The following PRDM16 variants were observed in gnomAD, a reference collection of about 807,000 sequenced individuals.
The protein encoded by PRDM16 is PR/SET domain 16, also known as histone-lysine N-methyltransferase PRDM16.
PRDM16 carries 23 observed loss-of-function variants against 110.6 expected under a neutral mutation model. The ratio of observed to expected loss-of-function variants is 0.21; its 90% CI spans 0.15 to 0.29. PRDM16 has a LOEUF of 0.29. Ranked by LOEUF, PRDM16 falls within the 10% of genes least tolerant of loss-of-function variation. The probability of loss-of-function intolerance (pLI) is 1.00; values close to 1 mark genes in which losing one functional copy is unlikely to be tolerated. For missense variants in PRDM16, 1,615 were observed against 1,794.3 expected, an observed-to-expected ratio of 0.90 and a Z score of 1.81; for synonymous variants, 799 against 781.8, an observed-to-expected ratio of 1.02 and a Z score of -0.37.
intron 5 of PRDM16, among the ~76,000 whole-genome samples, chr1:3,397,249 G>A (rs374869301): frequency 6.6e-6 from 1 of 152,246 alleles, no homozygotes; most frequent in Non-Finnish European, 1.5e-5. Context: ...GAGTCGCCCC[G>A]CTCTTCCAGA....
At chr1:3,348,289 C>T (rs1451123307) in intron 3 of PRDM16, among the ~76,000 whole-genome samples, 1 of 152,220 alleles carries the variant, frequency 6.6e-6, no homozygotes, top group Non-Finnish European at 1.5e-5. Context: ...GCCCTCAGTG[C>T]CCACAAAGGC....
intron 5 of PRDM16, 79 bp from the exon 6 acceptor site, chr1:3,402,712 G>T: frequency 7.7e-7 from 1 of 1,302,290 alleles, no homozygotes. Flanking sequence ...TGGTGAGGGG[G>T]CCAGGTCTCC....
rs1640938492 is a variant in PRDM16, at chr1:3,290,081, A to G, written c.438+45944A>G. ...GCTTTAAAAGTGTGCTCGTGAGCGCAGGGTGTTTTTCCTGAATGAAAACTC... is the reference window on the plus strand; with the variant it reads ...GCTTTAAAAGTGTGCTCGTGAGCGCGGGGTGTTTTTCCTGAATGAAAACTC... On this transcript the variant is annotated intron_variant, in intron 3 of 16. Coordinates refer to ENST00000270722, the MANE Select transcript of PRDM16 (RefSeq NM_022114.4). The surrounding 1 kb of genome is among the most constrained non-coding windows in gnomAD (Gnocchi z 4.8). Among the ~76,000 whole-genome samples, 1 of 152,338 alleles carries G rather than the reference A, an allele frequency of 6.6e-6. No homozygotes were observed. Among genetic ancestry groups the G allele is most frequent in the South Asian group, 2.1e-4 (1 of 4,824 alleles).
chr1:3,388,071 A>C (rs1043396460), intron 4 of PRDM16, among the ~76,000 whole-genome samples: 1 of 152,232 alleles, frequency 6.6e-6, no homozygotes, highest in Admixed American at 6.5e-5. Context: ...CTAAAATAAA[A>C]ACTGCCCTGA....
intron 4 of PRDM16, among the ~76,000 whole-genome samples, chr1:3,386,260 T>C (rs1320911342): frequency 2.0e-5 from 3 of 151,862 alleles, no homozygotes; most frequent in Non-Finnish European, 4.4e-5. Flanking sequence ...AAGGATCCCA[T>C]GGCTGTGAAA....
At chr1:3,277,798 C>T (rs895023020) in intron 3 of PRDM16, among the ~76,000 whole-genome samples, 23 of 152,176 alleles carry the variant, frequency 1.5e-4, no homozygotes, top group Non-Finnish European at 3.1e-4. Flanking sequence ...CACACACAAA[C>T]GCACAGTTGT....
chr1:3,181,348 GGTCTTA>G (rs1644174477), intron 1 of PRDM16, among the ~76,000 whole-genome samples: 11 of 20,534 alleles, frequency 5.4e-4, no homozygotes, highest in African/African-American at 9.1e-4. Flanking sequence ...TCTTACACAC[GGTCTTA>G]CACACGGTCT....
intron 1 of PRDM16, among the ~76,000 whole-genome samples, chr1:3,126,150 G>A (rs977858799): frequency 1.3e-5 from 2 of 152,180 alleles, no homozygotes; most frequent in African/African-American, 4.8e-5. Context: ...GGGGAGAAAG[G>A]GGCCATTGTG....
rs140395903 is a variant in PRDM16 at position 3,216,415 on chromosome 1, T to C, written c.388-27672T>C. On this transcript the variant is annotated intron_variant, in intron 2 of 16. Transcript: ENST00000270722. ...GAGCATGCATGCTCCTGCAGGCCCC[T>C]GAGCCCACCAGGGAAGGAGAATCCA... 3.2e-3 allele frequency among the ~76,000 whole-genome samples: 481 copies of C among 152,302 alleles called. 7 individuals carry two copies. Among genetic ancestry groups the C allele is most frequent in the Admixed American group, 0.024 (364 of 15,302 alleles).
Position 3,430,902 on chromosome 1 carries a change from C to A in PRDM16, c.3315C>A (p.Ala1105=), listed in dbSNP as rs761167518. The A allele has an allele frequency of 6.2e-7, 1 of 1,614,114 alleles. No individual in the cohort carries two copies. Among genetic ancestry groups the A allele is most frequent in the Non-Finnish European group, 8.5e-7 (1 of 1,180,022 alleles). The part of the protein sequence containing the change: ...RADMQIVDGS[A]QCPGLASEKQ... ...ACATGCAGATCGTGGACGGCAGTGCCCAGTGTCCAGGCCTAGCCAGTGAGA... is the reference window on the plus strand; with the variant it reads ...ACATGCAGATCGTGGACGGCAGTGCACAGTGTCCAGGCCTAGCCAGTGAGA... Residue 1105 remains alanine (A), a synonymous_variant, in exon 15 of 17, where the codon GCC becomes GCA. Transcript: ENST00000270722.
intron 8 of PRDM16, among the ~76,000 whole-genome samples, chr1:3,409,902 GGTTGTGGGTGTGGTGTGTGTGTA>G (rs1643649796): frequency 7.5e-6 from 1 of 133,580 alleles, no homozygotes; most frequent in Non-Finnish European, 1.6e-5. Context: ...TGTGTGGTGT[GGTTGTGGGTGTGGTGTGTGTGTA>G]TGTGCATGTG....
At chr1:3,147,770 C>T (rs1643703845) in intron 1 of PRDM16, among the ~76,000 whole-genome samples, 2 of 152,170 alleles carry the variant, frequency 1.3e-5, no homozygotes, top group African/African-American at 4.8e-5. Flanking sequence ...TTCTTGGGTC[C>T]TCATCTGTAA....
intron 2 of PRDM16, among the ~76,000 whole-genome samples, chr1:3,219,416 C>T (rs1445141477): frequency 6.6e-6 from 1 of 152,202 alleles, no homozygotes; most frequent in Non-Finnish European, 1.5e-5. Context: ...CATTGTCTGC[C>T]GTGCCAGCTC....
chr1:3,115,228 TTCATGAGACCC>T (rs1431734976), intron 1 of PRDM16, among the ~76,000 whole-genome samples: 3 of 152,158 alleles, frequency 2.0e-5, no homozygotes. Flanking sequence ...CACATTGGAG[TTCATGAGACCC>T]TCATGTGAAG....
chr1:3,128,924 G>A (rs776293662), intron 1 of PRDM16, among the ~76,000 whole-genome samples: 2 of 152,214 alleles, frequency 1.3e-5, no homozygotes, highest in Non-Finnish European at 2.9e-5. Context: ...AGCCGTGGCC[G>A]GCAGCCTTGG....
intron 2 of PRDM16, among the ~76,000 whole-genome samples, chr1:3,211,386 G>A (rs370055869): frequency 1.3e-4 from 20 of 152,346 alleles, no homozygotes; most frequent in African/African-American, 4.1e-4. Flanking sequence ...AGTGTTGACC[G>A]AACATCTCTC....
At chr1:3,164,334 C>A (rs1204093342) in intron 1 of PRDM16, among the ~76,000 whole-genome samples, 4 of 152,242 alleles carry the variant, frequency 2.6e-5, no homozygotes. Context: ...GTTTTGCCTC[C>A]TTGTTTCTAA....
chr1:3,301,007 C>G (rs1241766753), intron 3 of PRDM16, among the ~76,000 whole-genome samples: 1 of 152,178 alleles, frequency 6.6e-6, no homozygotes, highest in African/African-American at 2.4e-5. Context: ...CACTCCTTGA[C>G]CCCACCAAAC....
intron 3 of PRDM16, among the ~76,000 whole-genome samples, chr1:3,253,761 C>G (rs1356217515): frequency 1.3e-5 from 2 of 152,040 alleles, no homozygotes; most frequent in Non-Finnish European, 2.9e-5. Flanking sequence ...ATTTCTAGTT[C>G]TAGATCCCTG....
Sources: allele counts gnomAD v4.1 joint callset (sites outside exome capture counted in the v4.1 genomes callset), GRCh38; gene constraint gnomAD v4.1.1; non-coding constraint Gnocchi (gnomAD v3.1); transcripts MANE v1.5; gene names NCBI Gene and HGNC (gene_info 2026-07-23, HGNC 2026-07-21).